SEMA5B: variants seen among roughly 807,000 people sequenced by gnomAD.
SEMA5B encodes the protein semaphorin-5B.
A neutral mutation model predicts 135.0 loss-of-function variants in SEMA5B; 66 were observed. The ratio of observed to expected loss-of-function variants is 0.49; its 90% confidence interval spans 0.40 to 0.60. SEMA5B has a LOEUF of 0.60. Among genes scored for constraint, SEMA5B ranks in the 20% least tolerant of loss-of-function variants. SEMA5B has a pLI of 0.00. For synonymous variants in SEMA5B, 690 were observed against 639.5 expected (o/e 1.08, Z -1.19); for missense variants, 1,501 against 1,566.3 (o/e 0.96, Z 0.70).
In SEMA5B at chr3:122,913,045, G is replaced by T. The variant is rs754034822; in HGVS notation, c.2523C>A (p.Leu841=). Residue 841 remains leucine, a synonymous_variant, in exon 18 of 23, where the codon CTC becomes CTA. Coordinates refer to ENST00000357599, the MANE Select transcript of SEMA5B (RefSeq NM_001031702.4). ...GCGGGGAGGTGCTCCCGCTGCGCAGGAGGACCTCCACCAGGGCTGCGGAGG... is the reference window on the plus strand; with the variant it reads ...GCGGGGAGGTGCTCCCGCTGCGCAGTAGGACCTCCACCAGGGCTGCGGAGG... ...SCDTDALVEV[L]LRSGSTSPHT... is the part of the protein sequence containing the mutation. The T allele has an allele frequency of 5.8e-6, 9 of 1,551,424 alleles. No individual in the cohort carries two copies. Among genetic ancestry groups the T allele is most frequent in the Non-Finnish European group, 7.8e-6 (9 of 1,150,298 alleles).
At chr3:122,930,141 C>G (rs1196698014) in intron 5 of SEMA5B, among the ~76,000 whole-genome samples, 1 of 152,240 alleles carries the variant, frequency 6.6e-6, no homozygotes. Flanking sequence ...CATGAAGTCA[C>G]TGCCTGCAGA....
At chr3:123,012,103 G>T (rs1942449363) in intron 1 of SEMA5B, among the ~76,000 whole-genome samples, 1 of 152,188 alleles carries the variant, frequency 6.6e-6, no homozygotes, top group Non-Finnish European at 1.5e-5. Flanking sequence ...CCTCTATATA[G>T]TTGTGAGATG....
At position 123,014,304 on chromosome 3, in the gene SEMA5B, A is replaced by G. The variant is rs373655772; in HGVS notation, c.-39+13160T>C. 7.9e-5 allele frequency among the ~76,000 whole-genome samples: 12 copies of G among 152,350 alleles called. 1 individual carries two copies. Among genetic ancestry groups the G allele is most frequent in the East Asian group, 5.8e-4 (3 of 5,192 alleles). On this transcript the variant is annotated intron_variant, in intron 1 of 22. Transcript: ENST00000357599. ...AGTGGGCATTTGAGAAGGGCAGCTG[A>G]GATCACCAGTAGACAGCGTGTGTTT...
intron 22 of SEMA5B, 133 bp from the exon 23 acceptor site, chr3:122,910,434 AC>A: frequency 1.1e-6 from 1 of 896,004 alleles, no homozygotes. Flanking sequence ...TGTTCACACC[AC>A]CACTGCCCAG....
chr3:122,993,775 C>T (rs566805104), intron 1 of SEMA5B, among the ~76,000 whole-genome samples: 1 of 151,910 alleles, frequency 6.6e-6, no homozygotes, highest in African/African-American at 2.4e-5. Context: ...ATAATGCCAC[C>T]CCTCCCGCTC....
rs371035289 is a variant in SEMA5B, at chr3:122,929,368, A to T, written c.475-310T>A. Among the ~76,000 whole-genome samples, 11 of 152,334 alleles carry T rather than the reference A, an allele frequency of 7.2e-5. 2 individuals are homozygous for T. The highest frequency in any genetic ancestry group is 6.5e-5 in the Admixed American group (1 of 15,300). On this transcript the variant is annotated intron_variant, in intron 5 of 22. Transcript: ENST00000357599. ...CCCACGCAGATCTGCCCTCGGAGTCAGCCAGGGAGCTGGAAGTGGCCGAAG... is the reference window on the plus strand; with the variant it reads ...CCCACGCAGATCTGCCCTCGGAGTCTGCCAGGGAGCTGGAAGTGGCCGAAG...
chr3:122,953,528 G>A (rs984405464), intron 2 of SEMA5B, among the ~76,000 whole-genome samples: 4 of 152,098 alleles, frequency 2.6e-5, no homozygotes, highest in Non-Finnish European at 5.9e-5. Context: ...AGCACAGCAC[G>A]TCTGTCTGCT....
intron 1 of SEMA5B, among the ~76,000 whole-genome samples, chr3:123,012,860 A>G (rs532750320): frequency 5.3e-5 from 8 of 152,266 alleles, no homozygotes; most frequent in East Asian, 1.9e-4. Context: ...TGATGACATC[A>G]TTTCTTCTAC....
chr3:122,967,437 T>C (rs1940911002), intron 1 of SEMA5B, among the ~76,000 whole-genome samples: 1 of 152,196 alleles, frequency 6.6e-6, no homozygotes, highest in Admixed American at 6.5e-5. Flanking sequence ...GCCCCATTTG[T>C]GGGTGGGTGC....
intron 5 of SEMA5B, among the ~76,000 whole-genome samples, chr3:122,934,336 TAAAG>T (rs954506615): frequency 6.6e-6 from 1 of 152,216 alleles, no homozygotes; most frequent in Non-Finnish European, 1.5e-5. Flanking sequence ...GTGTACCTCC[TAAAG>T]AAAGGACACA....
intron 3 of SEMA5B, among the ~76,000 whole-genome samples, chr3:122,947,439 C>T (rs1230710199): frequency 6.6e-6 from 1 of 152,112 alleles, no homozygotes; most frequent in Non-Finnish European, 1.5e-5. Flanking sequence ...AAATCCTAGG[C>T]CTCATTGGTT....
chr3:122,918,993 C>CTTTTTTTTTTTTT (rs63373262), intron 12 of SEMA5B, among the ~76,000 whole-genome samples: 2 of 80,364 alleles, frequency 2.5e-5, no homozygotes, highest in African/African-American at 4.1e-5. Context: ...ATCACCATGT[C>CTTTTTTTTTTTTT]TTTTTTTTTT....
chr3:123,007,153 C>T (rs1169974931), intron 1 of SEMA5B, among the ~76,000 whole-genome samples: 1 of 152,192 alleles, frequency 6.6e-6, no homozygotes, highest in Non-Finnish European at 1.5e-5. Flanking sequence ...CCAACACCTA[C>T]TCATGCACAC....
intron 20 of SEMA5B, 88 bp downstream of exon 20, chr3:122,911,832 C>T: frequency 6.9e-7 from 1 of 1,441,308 alleles, no homozygotes; most frequent in Non-Finnish European, 9.3e-7. Flanking sequence ...CCCCTGCTCC[C>T]CACCAGGACA....
At chr3:122,951,265 C>T (rs1358673035) in intron 2 of SEMA5B, among the ~76,000 whole-genome samples, 2 of 152,124 alleles carry the variant, frequency 1.3e-5, no homozygotes, top group East Asian at 3.8e-4. Context: ...AAAATAAGAA[C>T]ACATGTATTT....
At chr3:122,920,464 G>T (rs1938292615) in intron 12 of SEMA5B, among the ~76,000 whole-genome samples, 1 of 152,168 alleles carries the variant, frequency 6.6e-6, no homozygotes, top group Non-Finnish European at 1.5e-5. Context: ...TATTCAATGA[G>T]ACTCCAGAGG....
intron 1 of SEMA5B, among the ~76,000 whole-genome samples, chr3:122,987,087 C>T (rs1303881522): frequency 6.6e-6 from 1 of 151,866 alleles, no homozygotes; most frequent in African/African-American, 2.4e-5. Context: ...ACAGAACCGG[C>T]GGAAAAAGGG....
chr3:122,923,236 G>A (rs1938461660), intron 10 of SEMA5B, among the ~76,000 whole-genome samples: 2 of 152,182 alleles, frequency 1.3e-5, no homozygotes. Context: ...CCACTTCCAG[G>A]AATTAGTACC....
chr3:122,924,412 C>G (rs763401513), intron 9 of SEMA5B, among the ~76,000 whole-genome samples: 2 of 152,200 alleles, frequency 1.3e-5, no homozygotes, highest in African/African-American at 2.4e-5. Context: ...TTTCAGCCCC[C>G]CTCTAGTCCC....
Sources: gnomAD v4.1 joint callset for allele counts (sites outside exome capture counted in the v4.1 genomes callset) on GRCh38, gnomAD v4.1.1 for gene constraint, MANE v1.5 for transcripts, NCBI Gene and HGNC (gene_info 2026-07-23, HGNC 2026-07-21) for gene names.